EML1: variants seen among roughly 807,000 people sequenced by gnomAD.
EML1 encodes EMAP like 1, also known as echinoderm microtubule-associated protein-like 1.
A neutral mutation model predicts 110.4 loss-of-function variants in EML1; 27 were observed. That is an observed-to-expected ratio of 0.24 (90% CI 0.18 to 0.34). The LOEUF (loss-of-function observed/expected upper bound fraction) is 0.34. EML1 is among the 10% of genes least tolerant of loss of function. The pLI, the probability that EML1 is intolerant of heterozygous loss-of-function variation, is 1.00. For synonymous variants in EML1, 344 were observed against 385.8 expected, an observed-to-expected ratio of 0.89 and a Z score of 1.27; for missense variants, 741 against 1,030.9, an observed-to-expected ratio of 0.72 and a Z score of 3.85.
intron 17 of EML1, among the ~76,000 whole-genome samples, chr14:99,922,861 C>T (rs1207430731): frequency 3.3e-5 from 5 of 152,038 alleles, no homozygotes; most frequent in African/African-American, 7.2e-5. Context: ...AGTAGTAAGT[C>T]CTCTTTATAT....
exon 1 of EML1, chr14:99,773,493 T>C (rs2057447532): frequency 1.3e-5 from 2 of 152,240 alleles, no homozygotes; most frequent in Non-Finnish European, 2.9e-5. Flanking sequence ...ACCATGCCGC[T>C]GGAACAGGAA....
intron 7 of EML1, among the ~76,000 whole-genome samples, chr14:99,897,762 G>T (rs574880144): frequency 1.3e-5 from 2 of 152,170 alleles, no homozygotes; most frequent in East Asian, 3.9e-4. Flanking sequence ...TGGCTGAGTC[G>T]GCTCTTCCCA....
chr14:99,923,641 C>CGGATACTCAGTTCTGCG, intron 17 of EML1, among the ~76,000 whole-genome samples: 1 of 52,200 alleles, frequency 1.9e-5, no homozygotes, highest in Non-Finnish European at 3.1e-5. Flanking sequence ...CAGTTCTGCC[C>CGGATACTCAGTTCTGCG]CCTTCACCTG....
rs367553878 is a variant in EML1, at chr14:99,939,452, T to C, written c.2322+125T>C. ...TGCCAGCCACAAAGGCAGATGTGAC[T>C]CTGTTCTTTGCGCCCTGAGCACTTC... On this transcript the variant is annotated intron_variant, in intron 21 of 21. Coordinates refer to ENST00000262233, the MANE Select transcript of EML1 (RefSeq NM_004434.3). This position sits in a 1 kb window ranked among gnomAD's most constrained non-coding sequence, Gnocchi z 4.2. The C allele has an allele frequency of 2.4e-5, 35 of 1,464,532 alleles. No individual in the cohort carries two copies. The highest frequency in any genetic ancestry group is 9.2e-5 in the East Asian group (4 of 43,350). The allele number at this position is 1,464,532 out of a possible 1,614,324, so 90.7% of individuals were successfully genotyped here. A position where few individuals can be genotyped will look rare whatever the true frequency, so the allele number is the denominator to read the frequency against.
At chr14:99,780,230 TG>T (rs2057524827) in intron 1 of EML1, among the ~76,000 whole-genome samples, 1 of 152,146 alleles carries the variant, frequency 6.6e-6, no homozygotes, top group African/African-American at 2.4e-5. Context: ...ACAGTCACAT[TG>T]GGGGTTGGGT....
chr14:99,770,155 G>A (rs2057408212), upstream of EML1, among the ~76,000 whole-genome samples: 1 of 152,042 alleles, frequency 6.6e-6, no homozygotes, highest in South Asian at 2.1e-4. Flanking sequence ...TGTCAGTTTG[G>A]GCTACTATAA....
intron 17 of EML1, among the ~76,000 whole-genome samples, chr14:99,933,469 C>T (rs1401189011): frequency 1.3e-5 from 2 of 152,234 alleles, no homozygotes; most frequent in Non-Finnish European, 2.9e-5. Context: ...AGCCACTGCA[C>T]CTGGCCTGAT....
intron 1 of EML1, among the ~76,000 whole-genome samples, chr14:99,799,196 C>A (rs1015600330): frequency 6.6e-6 from 1 of 152,134 alleles, no homozygotes; most frequent in Admixed American, 6.6e-5. Flanking sequence ...CTATAATAAT[C>A]CTTTGAGCGA....
chr14:99,802,516 A>G (rs1297069837), intron 1 of EML1, among the ~76,000 whole-genome samples: 1 of 152,070 alleles, frequency 6.6e-6, no homozygotes, highest in Non-Finnish European at 1.5e-5. Context: ...AGCAAGACGC[A>G]GGAGATACTT....
intron 1 of EML1, among the ~76,000 whole-genome samples, chr14:99,747,124 C>A (rs11621662): frequency 0.12 from 16,954 of 140,068 alleles, 1,029 homozygotes; most frequent in East Asian, 0.23. Context: ...GGAGGTGGAG[C>A]TTGCAGTGAG....
intron 16 of EML1, among the ~76,000 whole-genome samples, chr14:99,919,854 C>A (rs1231925040): frequency 6.6e-6 from 1 of 152,144 alleles, no homozygotes; most frequent in Non-Finnish European, 1.5e-5. Flanking sequence ...GGGGGCAGGA[C>A]ATCTGACAGT....
Position 99,759,550 on chromosome 14 carries a change from A to T in EML1, c.28+21690A>T, listed in dbSNP as rs116344807. The stretch of plus-strand genomic sequence containing the variant: ...CCTGCTATCAACAGCCATATGTGTG[A>T]GCACTTCAGACACTTCCTGTCCTTT... On this transcript the variant is annotated intron_variant, in intron 1 of 10. Transcript: ENST00000554479. 4.0e-3 allele frequency among the ~76,000 whole-genome samples: 613 copies of T among 152,302 alleles called. 6 individuals are homozygous for T. The highest frequency in any genetic ancestry group is 0.014 in the African/African-American group (575 of 41,548).
chr14:99,844,246 C>T (rs894855704), intron 1 of EML1, among the ~76,000 whole-genome samples: 3 of 152,196 alleles, frequency 2.0e-5, no homozygotes, highest in East Asian at 1.9e-4. Flanking sequence ...TTTGGGAGGC[C>T]GAGGCGGGCG....
In EML1 at chr14:99,920,847, G is replaced by A. The variant is rs753712572; in HGVS notation, c.1879G>A (p.Glu627Lys). 7.4e-6 allele frequency: 12 copies of A among 1,613,774 alleles called. No individual in the cohort carries two copies. The highest frequency in any genetic ancestry group is 5.0e-5 in the Admixed American group (3 of 59,958). ...GGTCACCGTTCACACAGATGGAAAC[G>A]AACAGCTCTCTGTAATGCGATACTC... ...DLVTVHTDGN[E>K]QLSVMRYSPD... The change falls in exon 17 of 22, where the codon GAA becomes AAA. Residue 627 changes from glutamate to lysine, a missense_variant. Around this residue, in one of 4 missense-constraint regions of EML1, gnomAD observed 388 missense variants for 605.6 expected, o/e 0.64. Transcript: ENST00000262233.
At chr14:99,901,113 G>T in intron 9 of EML1, 74 bp downstream of exon 9, 1 of 1,310,760 alleles carries the variant, frequency 7.6e-7, no homozygotes. Flanking sequence ...TTGAAGAGGG[G>T]GAGTTGACAC....
chr14:99,767,271 G>A (rs1051504653), intron 1 of EML1, among the ~76,000 whole-genome samples: 1 of 152,210 alleles, frequency 6.6e-6, no homozygotes, highest in African/African-American at 2.4e-5. Context: ...TTGACTTTGG[G>A]CAAGACTATT....
intron 1 of EML1, among the ~76,000 whole-genome samples, chr14:99,782,740 A>C (rs2140217478): frequency 6.6e-6 from 1 of 152,244 alleles, no homozygotes; most frequent in African/African-American, 2.4e-5. Flanking sequence ...ATTAGGAAGA[A>C]GTACAGCATC....
intron 1 of EML1, among the ~76,000 whole-genome samples, chr14:99,833,638 C>G (rs2058495512): frequency 6.6e-6 from 1 of 152,188 alleles, no homozygotes; most frequent in African/African-American, 2.4e-5. Context: ...CGGTATATCT[C>G]TCTGTTTATT....
chr14:99,792,192 G>A (rs2057682934), upstream of EML1, among the ~76,000 whole-genome samples: 1 of 152,154 alleles, frequency 6.6e-6, no homozygotes, highest in African/African-American at 2.4e-5. Flanking sequence ...GGAAGGACAG[G>A]CCTCTGAGCC....
Sources: allele counts gnomAD v4.1 joint callset (sites outside exome capture counted in the v4.1 genomes callset), GRCh38; gene constraint gnomAD v4.1.1; regional missense constraint gnomAD v4.1.1; non-coding constraint Gnocchi (gnomAD v3.1); transcripts MANE v1.5; gene names NCBI Gene and HGNC (gene_info 2026-07-23, HGNC 2026-07-21).